The following CSNK2A2IP variants were observed in gnomAD, a reference collection of about 807,000 sequenced individuals.
CSNK2A2IP encodes casein kinase II subunit alpha'-interacting protein.
chr3:88,412,231 C>T, the CSNK2A2IP span, among the ~76,000 whole-genome samples: 3 of 152,008 alleles, frequency 2.0e-5, no homozygotes, highest in East Asian at 5.8e-4. Flanking sequence ...TTGTGGGTTT[C>T]TATGTGTATA....
At chr3:88,341,526 T>G in the CSNK2A2IP span, among the ~76,000 whole-genome samples, 1 of 151,832 alleles carries the variant, frequency 6.6e-6, no homozygotes, top group African/African-American at 2.4e-5. Flanking sequence ...AAAATAATGA[T>G]GAAGACAAGA....
chr3:88,359,881 A>G, the CSNK2A2IP span, among the ~76,000 whole-genome samples: 1 of 152,080 alleles, frequency 6.6e-6, no homozygotes, highest in African/African-American at 2.4e-5. Flanking sequence ...ATTAGATCCA[A>G]CTGGTCTATA....
the CSNK2A2IP span, among the ~76,000 whole-genome samples, chr3:88,367,250 G>A: frequency 2.6e-5 from 4 of 152,058 alleles, no homozygotes; most frequent in African/African-American, 9.7e-5. Context: ...GTGAAAAGAA[G>A]AGTCAAATAG....
the CSNK2A2IP span, among the ~76,000 whole-genome samples, chr3:88,424,868 T>C: frequency 6.6e-6 from 1 of 152,116 alleles, no homozygotes; most frequent in Admixed American, 6.5e-5. Flanking sequence ...AATTATATAA[T>C]ATTTTAAGAA....
chr3:88,412,680 C>A, the CSNK2A2IP span, among the ~76,000 whole-genome samples: 1 of 151,916 alleles, frequency 6.6e-6, no homozygotes, highest in African/African-American at 2.4e-5. Flanking sequence ...AGGAGCACTT[C>A]GTTGAGTGTA....
the CSNK2A2IP span, among the ~76,000 whole-genome samples, chr3:88,379,892 C>A: frequency 3.3e-3 from 507 of 152,186 alleles, 3 homozygotes; most frequent in African/African-American, 0.012. Context: ...AAGGCTATCT[C>A]ATGCAGATAT....
At chr3:88,350,951 C>T in the CSNK2A2IP span, among the ~76,000 whole-genome samples, 2 of 152,098 alleles carry the variant, frequency 1.3e-5, no homozygotes, top group African/African-American at 4.8e-5. Context: ...GAGAGCTGAG[C>T]TTGATTTTCT....
chr3:88,465,980 G>A, the CSNK2A2IP span: 21 of 1,231,442 alleles, frequency 1.7e-5, no homozygotes, highest in African/African-American at 2.0e-4. Context: ...GGACCCAAAC[G>A]AAAAGCCCTT....
At chr3:88,446,046 CTTTCTTTCTT>C in the CSNK2A2IP span, among the ~76,000 whole-genome samples, 1,123 of 62,234 alleles carry the variant, frequency 0.018, 42 homozygotes, top group East Asian at 0.028. Flanking sequence ...TTCTTTCTTT[CTTTCTTTCTT>C]TCTTTCTTTC....
chr3:88,432,385 T>C, the CSNK2A2IP span, among the ~76,000 whole-genome samples: 1 of 151,862 alleles, frequency 6.6e-6, no homozygotes, highest in East Asian at 1.9e-4. Context: ...TTGAAATCTA[T>C]CATCTATCTG....
chr3:88,380,069 G>C, the CSNK2A2IP span, among the ~76,000 whole-genome samples: 4 of 152,150 alleles, frequency 2.6e-5, no homozygotes, highest in South Asian at 8.3e-4. Context: ...ATCAATTTGT[G>C]AAAAGGTTGA....
At chr3:88,434,716 A>G in the CSNK2A2IP span, among the ~76,000 whole-genome samples, 4 of 152,160 alleles carry the variant, frequency 2.6e-5, no homozygotes, top group African/African-American at 9.7e-5. Context: ...ATTTCAAGGT[A>G]GAGTCAGGAC....
the CSNK2A2IP span, among the ~76,000 whole-genome samples, chr3:88,447,277 T>G: frequency 1.3e-5 from 2 of 152,136 alleles, no homozygotes; most frequent in East Asian, 3.9e-4. Context: ...GGCCATGGGA[T>G]AGAGGGAAGC....
At chr3:88,458,157 T>G in the CSNK2A2IP span, among the ~76,000 whole-genome samples, 2 of 139,370 alleles carry the variant, frequency 1.4e-5, no homozygotes, top group East Asian at 2.0e-4. Flanking sequence ...TTTTTTTTTT[T>G]TTTTTTTTTT....
chr3:88,437,404 C>T, the CSNK2A2IP span, among the ~76,000 whole-genome samples: 4 of 152,146 alleles, frequency 2.6e-5, no homozygotes, highest in African/African-American at 7.2e-5. Context: ...TGGCATACTG[C>T]CCTCAATTAA....
the CSNK2A2IP span, among the ~76,000 whole-genome samples, chr3:88,460,234 G>C: frequency 6.6e-6 from 1 of 151,456 alleles, no homozygotes; most frequent in Non-Finnish European, 1.5e-5. Flanking sequence ...TTAGTTATCT[G>C]TATGTAATAT....
At chr3:88,355,303 G>A in the CSNK2A2IP span, among the ~76,000 whole-genome samples, 4 of 152,198 alleles carry the variant, frequency 2.6e-5, no homozygotes, top group African/African-American at 9.6e-5. Context: ...AATGAAGAAA[G>A]TTTTTTTGTT....
chr3:88,419,570 C>T, the CSNK2A2IP span, among the ~76,000 whole-genome samples: 3 of 152,096 alleles, frequency 2.0e-5, no homozygotes, highest in African/African-American at 7.2e-5. Flanking sequence ...TGAACATACA[C>T]GTGCATGTTT....
At chr3:88,450,188 A>C in the CSNK2A2IP span, among the ~76,000 whole-genome samples, 1 of 151,908 alleles carries the variant, frequency 6.6e-6, no homozygotes, top group Non-Finnish European at 1.5e-5. Flanking sequence ...TTATATAATA[A>C]ATTTTATTGT....
Sources: allele counts gnomAD v4.1 joint callset (sites outside exome capture counted in the v4.1 genomes callset), GRCh38; gene constraint gnomAD v4.1.1; transcripts MANE v1.5; gene names NCBI Gene and HGNC (gene_info 2026-07-23, HGNC 2026-07-21).